The following MYO16 variants were observed in gnomAD, a reference collection of about 807,000 sequenced individuals.
MYO16 encodes myosin XVI, also known as unconventional myosin-XVI.
A neutral mutation model predicts 205.3 loss-of-function variants in MYO16; 94 were observed. The ratio of observed to expected loss-of-function variants is 0.46; its 90% confidence interval spans 0.39 to 0.54. MYO16 has a LOEUF of 0.54. Among genes scored for constraint, MYO16 ranks in the 20% least tolerant of loss-of-function variants. The pLI is 0.00. For synonymous variants in MYO16, 988 were observed against 954.0 expected (o/e 1.04, Z -0.66); for missense variants, 2,315 against 2,387.5 (o/e 0.97, Z 0.63).
intron 23 of MYO16, among the ~76,000 whole-genome samples, chr13:109,035,574 C>T (rs1041680400): frequency 6.6e-6 from 1 of 152,196 alleles, no homozygotes; most frequent in Admixed American, 6.5e-5. Flanking sequence ...ATCCCAGCTA[C>T]TCAGGAGGCT....
chr13:108,689,477 T>C lies in MYO16; in HGVS notation c.293-23184T>C, dbSNP rs7991432. On this transcript the variant is annotated intron_variant, in intron 2 of 34. Transcript: ENST00000457511. Reference sequence around the variant, plus strand: ...AACCCACTTTATTATGATATTGTATTATAATAGTTAAATCATTTTACTTGA... The same window carrying C: ...AACCCACTTTATTATGATATTGTATCATAATAGTTAAATCATTTTACTTGA... Among the ~76,000 whole-genome samples the C allele has an allele frequency of 6.0e-3, 907 of 152,280 alleles. 8 individuals are homozygous for C. The highest frequency in any genetic ancestry group is 0.021 in the African/African-American group (879 of 41,568).
chr13:108,954,535 G>A (rs766469409), intron 16 of MYO16, among the ~76,000 whole-genome samples: 4 of 152,132 alleles, frequency 2.6e-5, no homozygotes, highest in Non-Finnish European at 5.9e-5. Context: ...GGGATCAGGA[G>A]TTCAAGACCA....
At chr13:108,767,666 A>G (rs1457518339) in intron 4 of MYO16, among the ~76,000 whole-genome samples, 4 of 152,056 alleles carry the variant, frequency 2.6e-5, no homozygotes, top group Non-Finnish European at 4.4e-5. Context: ...GTAAGAGTGA[A>G]GGGAAGAAGG....
chr13:109,163,731 G>C (rs1348113393), intron 32 of MYO16, among the ~76,000 whole-genome samples: 1 of 152,060 alleles, frequency 6.6e-6, no homozygotes, highest in African/African-American at 2.4e-5. Flanking sequence ...AGAACATACA[G>C]GTTAAAGTTC....
chr13:108,714,147 C>T (rs571737921), intron 3 of MYO16, among the ~76,000 whole-genome samples: 7 of 152,266 alleles, frequency 4.6e-5, no homozygotes, highest in Middle Eastern at 3.4e-3. Flanking sequence ...AGCTCCGTCT[C>T]CTGGTTCACG....
intron 32 of MYO16, among the ~76,000 whole-genome samples, chr13:109,161,114 A>G (rs1878360159): frequency 6.6e-6 from 1 of 152,224 alleles, no homozygotes; most frequent in Non-Finnish European, 1.5e-5. Flanking sequence ...ATAATTCAGT[A>G]GAATGCCGCG....
chr13:108,792,487 A>G (rs561179722), intron 5 of MYO16, among the ~76,000 whole-genome samples: 132 of 148,264 alleles, frequency 8.9e-4, no homozygotes, highest in African/African-American at 3.2e-3. Context: ...CTTTATTCAT[A>G]GTTTTCCAGT....
intron 1 of MYO16, among the ~76,000 whole-genome samples, chr13:108,617,117 AG>A (rs1879376171): frequency 6.6e-6 from 1 of 151,986 alleles, no homozygotes. Context: ...CTTGCCACCG[AG>A]TGTGCCATTT....
intron 2 of MYO16, among the ~76,000 whole-genome samples, chr13:108,668,628 G>A (rs1374072931): frequency 6.6e-6 from 1 of 152,140 alleles, no homozygotes; most frequent in Non-Finnish European, 1.5e-5. Flanking sequence ...CATCAACAGT[G>A]ATGGATACGG....
At chr13:109,183,046 A>G (rs527991426) in intron 34 of MYO16, among the ~76,000 whole-genome samples, 32 of 152,368 alleles carry the variant, frequency 2.1e-4, no homozygotes, top group Non-Finnish European at 4.3e-4. Context: ...ACTCAAATCT[A>G]GAATTTCGTA....
intron 22 of MYO16, among the ~76,000 whole-genome samples, chr13:109,013,572 A>T (rs1355085859): frequency 6.6e-6 from 1 of 152,122 alleles, no homozygotes; most frequent in Non-Finnish European, 1.5e-5. Flanking sequence ...ACTAGTTTAC[A>T]CTCCCACCAA....
chr13:108,903,258 T>C (rs1178129912), intron 15 of MYO16, among the ~76,000 whole-genome samples: 1 of 152,256 alleles, frequency 6.6e-6, no homozygotes, highest in South Asian at 2.1e-4. Flanking sequence ...CATATTGTTA[T>C]AATTATTCTG....
intron 27 of MYO16, among the ~76,000 whole-genome samples, chr13:109,080,179 C>G (rs1348347032): frequency 1.3e-5 from 2 of 152,030 alleles, no homozygotes; most frequent in African/African-American, 4.8e-5. Flanking sequence ...CCAGCCTGAA[C>G]ACTTGTATTT....
At chr13:109,012,769 ATG>A (rs199579912) in intron 22 of MYO16, among the ~76,000 whole-genome samples, 1 of 120,396 alleles carries the variant, frequency 8.3e-6, no homozygotes, top group Non-Finnish European at 1.7e-5. Flanking sequence ...TTGTTGTTAT[ATG>A]TGTGTGTGTA....
At chr13:109,048,199 G>GTA (rs1887113017) in intron 24 of MYO16, 1 of 379,796 alleles carries the variant, frequency 2.6e-6, no homozygotes, top group African/African-American at 2.8e-5. Flanking sequence ...GTGTGTGTGT[G>GTA]TGTATTTAGA....
chr13:109,054,485 C>T (rs1887350506), intron 25 of MYO16, among the ~76,000 whole-genome samples: 1 of 152,044 alleles, frequency 6.6e-6, no homozygotes, highest in African/African-American at 2.4e-5. Context: ...AAAACACCAT[C>T]ATTTTGCCCC....
intron 32 of MYO16, among the ~76,000 whole-genome samples, chr13:109,163,143 A>C (rs935872316): frequency 1.5e-5 from 2 of 137,270 alleles, no homozygotes; most frequent in Non-Finnish European, 3.2e-5. Context: ...CTGCTCATAA[A>C]TCTTGACCTG....
At position 109,055,513 on chromosome 13, in the gene MYO16, C is replaced by A. The variant is rs1887387481; in HGVS notation, c.3253C>A (p.Gln1085Lys). ...TAATTTTTACGTGTCTGCTCAGCTACAATATATTGGGGTCCTGGAGATGGT... is the reference window on the plus strand; with the variant it reads ...TAATTTTTACGTGTCTGCTCAGCTAAAATATATTGGGGTCCTGGAGATGGT... ...FDNFYVSAQL[Q>K]YIGVLEMVKI... is the part of the protein sequence containing the mutation. Residue 1085 changes from glutamine to lysine, a missense_variant, in exon 27 of 35, where the codon CAA becomes AAA. Gln to Lys is a moderately conservative substitution (Grantham distance 53). Transcript: ENST00000457511. This position sits in a 1 kb window ranked among gnomAD's most constrained non-coding sequence, Gnocchi z 5.0. 6.2e-7 allele frequency: 1 copy of A among 1,613,214 alleles called. No homozygotes were observed. Among genetic ancestry groups the A allele is most frequent in the Non-Finnish European group, 8.5e-7 (1 of 1,179,424 alleles).
intron 6 of MYO16, among the ~76,000 whole-genome samples, chr13:108,797,516 C>CT (rs1406559668): frequency 6.6e-6 from 1 of 152,176 alleles, no homozygotes; most frequent in Non-Finnish European, 1.5e-5. Flanking sequence ...CAAGTGAAAA[C>CT]TTTGAGGAAG....
Sources: gnomAD v4.1 joint callset for allele counts (sites outside exome capture counted in the v4.1 genomes callset) on GRCh38, gnomAD v4.1.1 for gene constraint, Gnocchi (gnomAD v3.1) non-coding constraint, MANE v1.5 for transcripts, NCBI Gene and HGNC (gene_info 2026-07-23, HGNC 2026-07-21) for gene names.